The following ELN variants were observed in gnomAD, a reference collection of about 807,000 sequenced individuals.
ELN encodes elastin.
A neutral mutation model predicts 105.8 loss-of-function variants in ELN; 65 were observed. The ratio of observed to expected loss-of-function variants is 0.61; its 90% confidence interval spans 0.50 to 0.75. The LOEUF is 0.75. Among genes scored for constraint, ELN ranks in the 30% least tolerant of loss-of-function variants. The pLI, the probability that ELN is intolerant of heterozygous loss-of-function variation, is 0.00. For missense variants in ELN, 882 were observed against 969.4 expected, an observed-to-expected ratio of 0.91 and a Z score of 1.20; for synonymous variants, 368 against 389.2, an observed-to-expected ratio of 0.95 and a Z score of 0.64.
chr7:74,038,397 C>T (rs936727269), intron 4 of ELN, among the ~76,000 whole-genome samples: 2 of 152,234 alleles, frequency 1.3e-5, no homozygotes, highest in East Asian at 3.8e-4. Flanking sequence ...CGACCATGGC[C>T]CCGGATAAGC....
At chr7:74,056,534 G>A (rs1795269950) in intron 20 of ELN, 99 bp downstream of exon 20, 1 of 1,604,244 alleles carries the variant, frequency 6.2e-7, no homozygotes, top group South Asian at 1.1e-5. Context: ...GATCGGGCTT[G>A]AATGTGCTCA....
intron 21 of ELN, 58 bp downstream of exon 21, chr7:74,056,771 C>A: frequency 6.2e-7 from 1 of 1,610,614 alleles, no homozygotes. Flanking sequence ...GCTCAGGGTC[C>A]AACCTCAGGG....
chr7:74,040,767 C>T (rs1238255327), intron 4 of ELN, among the ~76,000 whole-genome samples: 4 of 152,096 alleles, frequency 2.6e-5, no homozygotes, highest in African/African-American at 9.7e-5. Context: ...GCAGGGCAGG[C>T]TGGATGGAAG....
At chr7:74,033,934 C>T (rs55675706) in intron 1 of ELN, among the ~76,000 whole-genome samples, 1,525 of 152,318 alleles carry the variant, frequency 0.01, 15 homozygotes, top group Admixed American at 0.015. Context: ...GTTTGGGACC[C>T]TGTCTGTTGC....
At chr7:74,061,190 T>G (rs1418349902) in intron 26 of ELN, 51 bp downstream of exon 26, 46 of 1,611,252 alleles carry the variant, frequency 2.9e-5, no homozygotes, top group Non-Finnish European at 3.9e-5. Flanking sequence ...ACACCATCCC[T>G]GACAGCACAG....
chr7:74,054,252 G>C (rs781836926), intron 18 of ELN, among the ~76,000 whole-genome samples: 1 of 152,136 alleles, frequency 6.6e-6, no homozygotes, highest in East Asian at 1.9e-4. Flanking sequence ...CGGATCACCT[G>C]AGGTGAGGAG....
intron 19 of ELN, 47 bp downstream of exon 19, chr7:74,054,816 C>T (rs781874731): frequency 1.3e-5 from 21 of 1,605,592 alleles, no homozygotes; most frequent in Non-Finnish European, 1.7e-5. Flanking sequence ...CTGGCCTTTA[C>T]TTGCCAGAAC....
At position 74,052,787 on chromosome 7, in the gene ELN, G is replaced by C. The variant is rs538053754; in HGVS notation, c.950-376G>C. 4.4e-5 allele frequency: 10 copies of C among 229,846 alleles called. No homozygotes were observed. The East Asian group carries it at 1.1e-3, about 25-fold the overall frequency. 14.2% of individuals were successfully genotyped at this position (229,846 alleles called of 1,614,324 possible). A position where few individuals can be genotyped will look rare whatever the true frequency, so the allele number is the denominator to read the frequency against. ...AAGAAACAAAAGAGAGAAAGAGAAAGAAAGAAAGGGAAAGGAAGGAAGGAA... is the reference window on the plus strand; with the variant it reads ...AAGAAACAAAAGAGAGAAAGAGAAACAAAGAAAGGGAAAGGAAGGAAGGAA... On this transcript the variant is annotated intron_variant, in intron 17 of 32. Transcript: ENST00000252034.
chr7:74,031,004 C>T (rs1788536474), intron 1 of ELN, among the ~76,000 whole-genome samples: 2 of 152,364 alleles, frequency 1.3e-5, no homozygotes, highest in South Asian at 2.1e-4. Flanking sequence ...CAGCCTTCTG[C>T]ATGCAAACAA....
intron 31 of ELN, 54 bp downstream of exon 31, chr7:74,066,051 G>C (rs370006909): frequency 1.2e-6 from 2 of 1,612,594 alleles, no homozygotes; most frequent in Non-Finnish European, 1.7e-6. Context: ...GATCTAGAGG[G>C]GGCCTGTCCA....
At chr7:74,046,295 G>T (rs2131590690) in intron 11 of ELN, 78 bp downstream of exon 11, 1 of 1,600,524 alleles carries the variant, frequency 6.2e-7, no homozygotes. Context: ...GGGCACCCAA[G>T]ATCCCATCCA....
chr7:74,049,554 C>T (rs1793413354), intron 15 of ELN, among the ~76,000 whole-genome samples: 2 of 151,956 alleles, frequency 1.3e-5, no homozygotes, highest in African/African-American at 4.8e-5. Flanking sequence ...TCCCTCCATC[C>T]ATTCCTCTAG....
At position 74,043,922 on chromosome 7, in the gene ELN, T is replaced by G; in HGVS notation, c.469+2T>G. ...TATACCCAGGTGGCGTGCTCCCAGG[T>G]GAGAGCAAGGAGGGAAACAGGGACT... is the stretch of plus-strand genomic sequence containing the variant. On this transcript the variant is annotated splice_donor_variant, in intron 9 of 32. Coordinates refer to ENST00000252034, the MANE Select transcript of ELN (RefSeq NM_000501.4). LOFTEE classifies it high-confidence loss of function. 6.2e-7 allele frequency: 1 copy of G among 1,613,890 alleles called. No individual in the cohort carries two copies. The highest frequency in any genetic ancestry group is 8.5e-7 in the Non-Finnish European group (1 of 1,179,944).
At position 74,065,581 on chromosome 7, in the gene ELN, T is replaced by A; in HGVS notation, c.1994-113T>A. 1.7e-5 allele frequency: 23 copies of A among 1,321,104 alleles called. No individual in the cohort carries two copies. In the Admixed American group the frequency reaches 2.0e-4, roughly 11 times the overall value. 81.8% of individuals were successfully genotyped at this position (1,321,104 alleles called of 1,614,324 possible). A position where few individuals can be genotyped will look rare whatever the true frequency, so the allele number is the denominator to read the frequency against. On this transcript the variant is annotated intron_variant, in intron 29 of 32. Coordinates refer to ENST00000252034, the MANE Select transcript of ELN (RefSeq NM_000501.4). ...GTGAGCCGGGATCGCGCCACTGCAC[T>A]CCAGCCCAGGCGAAGGAGTGAGACT...
At chr7:74,066,674 T>G in intron 31 of ELN, 58 bp from the exon 32 acceptor site, 1 of 1,583,062 alleles carries the variant, frequency 6.3e-7, no homozygotes, top group East Asian at 2.2e-5. Flanking sequence ...CAGAAAGTGA[T>G]GAGGCTGGAG....
At chr7:74,058,278 T>G (rs990845038) in intron 22 of ELN, among the ~76,000 whole-genome samples, 1 of 11,052 alleles carries the variant, frequency 9.0e-5, no homozygotes. Context: ...CTTCTTCTTC[T>G]TCCTCTGCTT....
chr7:74,052,848 A>G (rs2131901612), intron 17 of ELN: 1 of 381,644 alleles, frequency 2.6e-6, no homozygotes, highest in Non-Finnish European at 4.8e-6. Context: ...AGAGAGAGAG[A>G]GGGAGGGAGA....
Position 74,046,912 on chromosome 7 carries a change from C to T in ELN, c.643+145C>T, listed in dbSNP as rs181999436. 3.4e-5 allele frequency: 32 copies of T among 931,874 alleles called. No individual in the cohort carries two copies. The Admixed American group carries it at 4.1e-4, about 12-fold the overall frequency. 57.7% of individuals were successfully genotyped at this position (931,874 alleles called of 1,614,324 possible). ...TAGCCTGGCCAACATGGCAAAACCC[C>T]GTCCCTACTAAAGATACAAAAATTA... On this transcript the variant is annotated intron_variant, in intron 12 of 32. Transcript: ENST00000252034.
rs781991638 is a variant in ELN at position 74,056,672 on chromosome 7, C to T, written c.1316C>T (p.Pro439Leu). 1 of 1,613,868 alleles carries T rather than the reference C, an allele frequency of 6.2e-7. No individual in the cohort carries two copies. The highest frequency in any genetic ancestry group is 2.2e-5 in the East Asian group (1 of 44,868). Residue 439 changes from proline (P) to leucine (L), a missense_variant and splice_region_variant, in exon 21 of 33, where the codon CCC becomes CTC. Pro to Leu is a moderately conservative substitution (Grantham distance 98). Transcript: ENST00000252034. The part of the protein sequence containing the change: ...VGGVPGVGIS[P>L]EAQAAAAAKA... ...CTCTTTCTTTCTCGTTTCCTTGTAG[C>T]CGAAGCTCAGGCAGCAGCTGCCGCC...
Sources: allele counts gnomAD v4.1 joint callset (sites outside exome capture counted in the v4.1 genomes callset), GRCh38; gene constraint gnomAD v4.1.1; transcripts MANE v1.5; gene names NCBI Gene and HGNC (gene_info 2026-07-23, HGNC 2026-07-21).